The following EML5 variants were observed in gnomAD, a reference collection of about 807,000 sequenced individuals.
The protein encoded by EML5 is echinoderm microtubule-associated protein-like 5.
EML5 carries 120 observed loss-of-function variants against 250.0 expected under a neutral mutation model. That is an observed-to-expected ratio of 0.48 (90% confidence interval 0.41 to 0.56). The LOEUF is 0.56. Among genes scored for constraint, EML5 ranks in the 20% least tolerant of loss-of-function variants. The probability of loss-of-function intolerance (pLI) is 0.00; values close to 1 mark genes in which losing one functional copy is unlikely to be tolerated. For synonymous variants in EML5, 771 were observed against 806.5 expected (o/e 0.96, Z 0.75); for missense variants, 2,006 against 2,437.6 (o/e 0.82, Z 3.73).
chr14:88,624,900 GAAT>G, intron 36 of EML5, 67 bp downstream of exon 36: 1 of 1,556,080 alleles, frequency 6.4e-7, no homozygotes, highest in Non-Finnish European at 8.7e-7. Context: ...GAAACAACTA[GAAT>G]AATTAACTGC....
At chr14:88,706,532 T>C (rs998546098) in intron 10 of EML5, 106 bp from the exon 11 acceptor site, 10 of 868,348 alleles carry the variant, frequency 1.2e-5, no homozygotes, top group Admixed American at 1.1e-4. Flanking sequence ...ATCTGAATTA[T>C]AAACAAATGG....
chr14:88,720,968 C>G (rs983499473), intron 8 of EML5, among the ~76,000 whole-genome samples: 2 of 152,010 alleles, frequency 1.3e-5, no homozygotes, highest in Non-Finnish European at 2.9e-5. Flanking sequence ...CACAAGAATT[C>G]CTATACACCA....
chr14:88,729,569 TTTG>T lies in EML5; in HGVS notation c.1050-2894_1050-2892del, dbSNP rs1566713566. Among the ~76,000 whole-genome samples, 1,356 of 150,310 alleles carry T rather than the reference TTTG, an allele frequency of 9.0e-3. 25 individuals are homozygous for T. The highest frequency in any genetic ancestry group is 0.032 in the African/African-American group (1,295 of 40,944). On this transcript the variant is annotated intron_variant, in intron 7 of 43. Coordinates refer to ENST00000554922, the MANE Select transcript of EML5 (RefSeq NM_183387.3). The stretch of plus-strand genomic sequence containing the variant: ...CATATACTTATTTGGTTTTTTGTTT[TTTG>T]TTTTTTTGAGACAGAGTCTCACTTT...
intron 27 of EML5, among the ~76,000 whole-genome samples, chr14:88,652,890 G>GT (rs2091695702): frequency 6.6e-6 from 1 of 152,118 alleles, no homozygotes; most frequent in African/African-American, 2.4e-5. Flanking sequence ...ACTTTGGGCA[G>GT]TATGGCCATT....
At chr14:88,646,136 T>C (rs2091336320) in intron 29 of EML5, among the ~76,000 whole-genome samples, 1 of 152,164 alleles carries the variant, frequency 6.6e-6, no homozygotes, top group Admixed American at 6.5e-5. Flanking sequence ...CCTTCCCATA[T>C]AAAAGACTCC....
intron 27 of EML5, among the ~76,000 whole-genome samples, chr14:88,653,090 G>T (rs562343974): frequency 4.6e-4 from 70 of 151,716 alleles, no homozygotes; most frequent in African/African-American, 1.3e-3. Flanking sequence ...TCATGATTTG[G>T]CTGTTTGTCT....
In EML5 at chr14:88,699,951, TATATATACACACACAC is replaced by T. The variant is rs769599425; in HGVS notation, c.2238+2479_2238+2494del. Among the ~76,000 whole-genome samples, 9 of 152,242 alleles carry T rather than the reference TATATATACACACACAC, an allele frequency of 5.9e-5. 1 individual carries two copies. The highest frequency in any genetic ancestry group is 1.3e-4 in the Admixed American group (2 of 15,278). ...CAGTGTATTTTTAGTGAATTATATCTATATATACACACACACATATATACACACACACATACATATA... is the reference window on the plus strand; with the variant it reads ...CAGTGTATTTTTAGTGAATTATATCTATATATACACACACACATACATATA... On this transcript the variant is annotated intron_variant, in intron 14 of 43. Coordinates refer to ENST00000554922, the MANE Select transcript of EML5 (RefSeq NM_183387.3).
chr14:88,734,302 A>G (rs1381115056), intron 7 of EML5, among the ~76,000 whole-genome samples: 2 of 152,330 alleles, frequency 1.3e-5, no homozygotes, highest in Non-Finnish European at 2.9e-5. Context: ...GAAATATTAC[A>G]GCTAACAAAT....
At chr14:88,690,688 CTTAT>C (rs1009675650) in intron 17 of EML5, among the ~76,000 whole-genome samples, 17 of 152,144 alleles carry the variant, frequency 1.1e-4, no homozygotes, top group Admixed American at 8.5e-4. Flanking sequence ...TTTTGTGTCA[CTTAT>C]TTAAGATGGC....
Position 88,665,446 on chromosome 14 carries a change from G to C in EML5, c.3168C>G (p.Ala1056=), listed in dbSNP as rs749040657. 3 of 1,613,890 alleles carry C rather than the reference G, an allele frequency of 1.9e-6. No homozygotes were observed. The highest frequency in any genetic ancestry group is 1.3e-5 in the African/African-American group (1 of 75,010). Residue 1056 remains alanine (A), a synonymous_variant, in exon 22 of 44, where the codon GCC becomes GCG. Transcript: ENST00000554922. ...CCFSPDGKAL[A]VGLNDGSFLM... Reference sequence around the variant, plus strand: ...AGAAGCTTCCATCGTTGAGACCTACGGCTAAAGCTTTACCATCAGGAGAAA... The same window carrying C: ...AGAAGCTTCCATCGTTGAGACCTACCGCTAAAGCTTTACCATCAGGAGAAA...
At chr14:88,656,508 C>G (rs1330807658) in intron 27 of EML5, among the ~76,000 whole-genome samples, 2 of 152,028 alleles carry the variant, frequency 1.3e-5, no homozygotes, top group African/African-American at 4.8e-5. Flanking sequence ...AGAAGAAATA[C>G]CTAATGTAGA....
At chr14:88,758,609 C>T (rs557239944) in intron 1 of EML5, among the ~76,000 whole-genome samples, 3 of 152,246 alleles carry the variant, frequency 2.0e-5, no homozygotes, top group East Asian at 1.9e-4. Context: ...TTTGGAAAAC[C>T]GCTTGGTAGC....
intron 2 of EML5, among the ~76,000 whole-genome samples, chr14:88,749,953 C>G (rs1189537274): frequency 1.3e-5 from 2 of 152,140 alleles, no homozygotes; most frequent in African/African-American, 4.8e-5. Context: ...GTACAACTCT[C>G]AAGCCAAATC....
At chr14:88,745,272 C>A (rs2093989061) in intron 3 of EML5, among the ~76,000 whole-genome samples, 1 of 151,024 alleles carries the variant, frequency 6.6e-6, no homozygotes, top group African/African-American at 2.4e-5. Flanking sequence ...AATTTTCTAC[C>A]CAACTTTTAG....
chr14:88,637,375 G>A (rs1017399917), intron 32 of EML5, among the ~76,000 whole-genome samples: 1 of 152,094 alleles, frequency 6.6e-6, no homozygotes, highest in Non-Finnish European at 1.5e-5. Flanking sequence ...AAATAAAGGG[G>A]AGAAAAGGGC....
rs1282872641 is a variant in EML5 at position 88,615,770 on chromosome 14, C to G, written c.*48G>C. ...AGGGTTGGGTTTTGGTTTTTCTTCT[C>G]TGTAATTCTGGTCTCAAAGTTAATT... is the stretch of plus-strand genomic sequence containing the variant. On this transcript the variant is annotated 3_prime_UTR_variant, in exon 44 of 44. Transcript: ENST00000554922. 1.9e-6 allele frequency: 3 copies of G among 1,589,066 alleles called. No homozygotes were observed. The highest frequency in any genetic ancestry group is 1.2e-5 in the South Asian group (1 of 86,548).
intron 24 of EML5, 121 bp from the exon 25 acceptor site, chr14:88,661,951 A>C (rs1039630769): frequency 2.2e-6 from 2 of 904,432 alleles, no homozygotes; most frequent in Middle Eastern, 2.5e-4. Flanking sequence ...GTTTTAATGA[A>C]AAAATAGTTA....
intron 8 of EML5, among the ~76,000 whole-genome samples, chr14:88,719,077 C>G (rs940906426): frequency 6.6e-6 from 1 of 152,080 alleles, no homozygotes; most frequent in Non-Finnish European, 1.5e-5. Context: ...AGTGGCTAGC[C>G]ATTGGTAGAA....
intron 28 of EML5, among the ~76,000 whole-genome samples, chr14:88,648,189 A>T (rs928413071): frequency 6.6e-6 from 1 of 152,186 alleles, no homozygotes; most frequent in Non-Finnish European, 1.5e-5. Context: ...CCTTCTTTAC[A>T]TGTCTAGAAC....
Sources: allele counts gnomAD v4.1 joint callset (sites outside exome capture counted in the v4.1 genomes callset), GRCh38; gene constraint gnomAD v4.1.1; transcripts MANE v1.5; gene names NCBI Gene and HGNC (gene_info 2026-07-23, HGNC 2026-07-21).